GALNTL6: variants seen among roughly 807,000 people sequenced by gnomAD.
GALNTL6 encodes polypeptide N-acetylgalactosaminyltransferase-like 6.
Under a neutral mutation model 73.7 loss-of-function variants are expected in GALNTL6, and 46 were observed. The observed-to-expected ratio is 0.62, with a 90% CI of 0.49 to 0.80. GALNTL6 has a LOEUF of 0.80. GALNTL6 is among the 30% of genes least tolerant of loss of function. The pLI, the probability that GALNTL6 is intolerant of heterozygous loss-of-function variation, is 0.00. For synonymous variants in GALNTL6, 259 were observed against 263.7 expected (o/e 0.98, Z 0.17); for missense variants, 604 against 755.0 (o/e 0.80, Z 2.34).
intron 5 of GALNTL6, among the ~76,000 whole-genome samples, chr4:172,451,642 G>T (rs1213508982): frequency 6.6e-6 from 1 of 152,100 alleles, no homozygotes; most frequent in African/African-American, 2.4e-5. Flanking sequence ...TATATATATA[G>T]ATATAGATAT....
At chr4:172,529,275 C>T (rs1735088116) in intron 5 of GALNTL6, among the ~76,000 whole-genome samples, 1 of 151,526 alleles carries the variant, frequency 6.6e-6, no homozygotes, top group African/African-American at 2.4e-5. Flanking sequence ...ACTGGTAATA[C>T]ATTTTACTGG....
At chr4:173,033,538 G>A (rs1753558112) in intron 12 of GALNTL6, among the ~76,000 whole-genome samples, 1 of 152,180 alleles carries the variant, frequency 6.6e-6, no homozygotes, top group South Asian at 2.1e-4. Flanking sequence ...ATGGCTCAAA[G>A]GATAGTCAAA....
intron 2 of GALNTL6, among the ~76,000 whole-genome samples, chr4:171,935,341 G>A (rs780174877): frequency 6.6e-6 from 1 of 152,168 alleles, no homozygotes; most frequent in African/African-American, 2.4e-5. Flanking sequence ...CTAGAGCGGA[G>A]TCATAGCAGA....
chr4:172,596,426 C>T (rs1259659466), intron 5 of GALNTL6, among the ~76,000 whole-genome samples: 1 of 130,192 alleles, frequency 7.7e-6, no homozygotes, highest in Non-Finnish European at 1.6e-5. Context: ...GCCTGGGCAA[C>T]AGAGGGAGAC....
chr4:172,214,519 C>CTT (rs34845361), intron 2 of GALNTL6, among the ~76,000 whole-genome samples: 16,213 of 142,468 alleles, frequency 0.11, 1,173 homozygotes, highest in East Asian at 0.29. Context: ...ATTTCTTTTC[C>CTT]TTTTTTTTTT....
At chr4:172,010,632 A>G (rs1740978475) in intron 2 of GALNTL6, among the ~76,000 whole-genome samples, 2 of 152,014 alleles carry the variant, frequency 1.3e-5, no homozygotes, top group Non-Finnish European at 2.9e-5. Flanking sequence ...TTTCAAGTAA[A>G]TCTCCCAAAT....
intron 2 of GALNTL6, among the ~76,000 whole-genome samples, chr4:171,842,792 A>G (rs974176873): frequency 6.6e-6 from 1 of 152,110 alleles, no homozygotes; most frequent in Non-Finnish European, 1.5e-5. Flanking sequence ...CCCACCTCCA[A>G]CACTGGAAAT....
chr4:172,976,419 A>C (rs1054912127), intron 10 of GALNTL6, among the ~76,000 whole-genome samples: 1 of 152,206 alleles, frequency 6.6e-6, no homozygotes, highest in African/African-American at 2.4e-5. Flanking sequence ...TGTCTAAGGC[A>C]GGGCTTCTGA....
intron 2 of GALNTL6, among the ~76,000 whole-genome samples, chr4:172,023,292 T>C (rs567853105): frequency 2.0e-5 from 3 of 151,932 alleles, no homozygotes; most frequent in Non-Finnish European, 2.9e-5. Flanking sequence ...AAATAATTGT[T>C]GACTGTTGTT....
intron 2 of GALNTL6, among the ~76,000 whole-genome samples, chr4:172,033,163 C>A (rs1387591169): frequency 6.6e-6 from 1 of 151,418 alleles, no homozygotes; most frequent in East Asian, 1.9e-4. Flanking sequence ...CTTTATTACA[C>A]ACACACGGAG....
chr4:172,434,775 A>G (rs1731575277), intron 5 of GALNTL6, among the ~76,000 whole-genome samples: 1 of 152,012 alleles, frequency 6.6e-6, no homozygotes, highest in Admixed American at 6.6e-5. Flanking sequence ...AACCAAACTC[A>G]TATGTGATAA....
chr4:172,244,911 T>C (rs537916474), intron 3 of GALNTL6, among the ~76,000 whole-genome samples: 1 of 152,318 alleles, frequency 6.6e-6, no homozygotes, highest in African/African-American at 2.4e-5. Context: ...CATGTGTTAG[T>C]AGTTGTGATT....
chr4:172,990,379 T>G (rs1233769801), intron 10 of GALNTL6, among the ~76,000 whole-genome samples: 1 of 152,182 alleles, frequency 6.6e-6, no homozygotes, highest in Non-Finnish European at 1.5e-5. Context: ...TATAAATAGC[T>G]CAAAAGAAAA....
chr4:172,079,193 C>T (rs1215638054), intron 2 of GALNTL6, among the ~76,000 whole-genome samples: 1 of 148,420 alleles, frequency 6.7e-6, no homozygotes, highest in Non-Finnish European at 1.5e-5. Context: ...TTTATCCTCA[C>T]TTTTTTCACT....
chr4:172,398,959 C>T (rs1306031402), intron 5 of GALNTL6, among the ~76,000 whole-genome samples: 83 of 151,590 alleles, frequency 5.5e-4, no homozygotes, highest in Admixed American at 5.5e-3. Context: ...TCAAACAGCA[C>T]TGAAATTAAC....
chr4:172,577,712 T>C (rs974340988), intron 5 of GALNTL6, among the ~76,000 whole-genome samples: 2 of 152,160 alleles, frequency 1.3e-5, no homozygotes, highest in African/African-American at 4.8e-5. Flanking sequence ...GCACTGCTGC[T>C]TTCTCTGCTG....
intron 5 of GALNTL6, among the ~76,000 whole-genome samples, chr4:172,379,653 A>AAAAATAAAAT (rs76730414): frequency 4.0e-4 from 60 of 150,834 alleles, no homozygotes; most frequent in African/African-American, 1.1e-3. Context: ...CCCCCCTGAA[A>AAAAATAAAAT]AAAATAAAAT....
At chr4:172,987,539 T>C (rs945693289) in intron 10 of GALNTL6, among the ~76,000 whole-genome samples, 3 of 152,196 alleles carry the variant, frequency 2.0e-5, no homozygotes, top group African/African-American at 7.2e-5. Flanking sequence ...TTGGCCCAAT[T>C]ATTTGCATAA....
chr4:172,293,887 T>C (rs150702887), intron 3 of GALNTL6, among the ~76,000 whole-genome samples: 3,866 of 151,496 alleles, frequency 0.026, 138 homozygotes, highest in African/African-American at 0.082. Flanking sequence ...GTTTTTATTA[T>C]ACTTTAAGTT....
Sources: gnomAD v4.1 joint callset for allele counts (sites outside exome capture counted in the v4.1 genomes callset) on GRCh38, gnomAD v4.1.1 for gene constraint, MANE v1.5 for transcripts, NCBI Gene and HGNC (gene_info 2026-07-23, HGNC 2026-07-21) for gene names.